Variants in DNM1L observed in about 807,000 individuals in gnomAD.
DNM1L encodes the protein dynamin-1-like protein.
In DNM1L, 33 loss-of-function variants were observed where a neutral mutation model predicts 92.8. The ratio of observed to expected loss-of-function variants is 0.36; its 90% CI spans 0.27 to 0.48. DNM1L has a LOEUF of 0.48. Among genes scored for constraint, DNM1L ranks in the 20% least tolerant of loss-of-function variants. DNM1L has a pLI of 0.99. For synonymous variants in DNM1L, 284 were observed against 305.0 expected, an observed-to-expected ratio of 0.93 and a Z score of 0.72; for missense variants, 485 against 888.8, an observed-to-expected ratio of 0.55 and a Z score of 5.78.
intron 1 of DNM1L, among the ~76,000 whole-genome samples, chr12:32,691,626 A>G (rs943260444): frequency 2.0e-5 from 3 of 152,178 alleles, no homozygotes; most frequent in African/African-American, 7.2e-5. Flanking sequence ...TTAGGGCTTC[A>G]ACATATAAAT....
intron 13 of DNM1L, among the ~76,000 whole-genome samples, chr12:32,734,315 A>G (rs1218295813): frequency 6.6e-6 from 1 of 152,178 alleles, no homozygotes; most frequent in Non-Finnish European, 1.5e-5. Flanking sequence ...GGACAGAGCA[A>G]TTTATCCAGA....
At chr12:32,692,974 G>T (rs1952290757) in intron 1 of DNM1L, 1 of 152,202 alleles carries the variant, frequency 6.6e-6, no homozygotes, top group African/African-American at 2.4e-5. Context: ...GTGTTCCCCA[G>T]TGTTTGCTAT....
intron 9 of DNM1L, among the ~76,000 whole-genome samples, chr12:32,730,678 A>G (rs1316097464): frequency 1.2e-4 from 18 of 152,250 alleles, no homozygotes; most frequent in Non-Finnish European, 1.2e-4. Flanking sequence ...TTGTGAATCA[A>G]TGGAAATAAA....
At chr12:32,742,900 T>TC in intron 19 of DNM1L, 152 bp downstream of exon 19, 1 of 950,308 alleles carries the variant, frequency 1.1e-6, no homozygotes, top group East Asian at 2.9e-5. Context: ...TTTTTTTTTT[T>TC]TTTTTTTTTT....
intron 7 of DNM1L, among the ~76,000 whole-genome samples, chr12:32,719,388 T>TA (rs1448384284): frequency 6.6e-6 from 1 of 152,226 alleles, no homozygotes; most frequent in African/African-American, 2.4e-5. Flanking sequence ...AGGGAAAAAT[T>TA]ATCTAATGTG....
chr12:32,736,974 T>C lies in DNM1L; in HGVS notation c.1540-131T>C. 3 of 790,058 alleles carry C rather than the reference T, an allele frequency of 3.8e-6. No homozygotes were observed. The South Asian group carries it at 4.8e-5, about 13-fold the overall frequency. 48.9% of individuals were successfully genotyped at this position (790,058 alleles called of 1,614,324 possible). On this transcript the variant is annotated intron_variant, in intron 13 of 19. Coordinates refer to ENST00000549701, the MANE Select transcript of DNM1L (RefSeq NM_012062.5). ...TATTTATTTTAAAATATGATAATTA[T>C]GGCATGAGTCCCAACAGTGAGAGGA... is the stretch of plus-strand genomic sequence containing the variant.
Position 32,731,953 on chromosome 12 carries a change from T to A in DNM1L, c.1446+10T>A, listed in dbSNP as rs1402719585. On this transcript the variant is annotated intron_variant, in intron 12 of 19. Coordinates refer to ENST00000549701, the MANE Select transcript of DNM1L (RefSeq NM_012062.5). The surrounding 1 kb of genome is among the most constrained non-coding windows in gnomAD (Gnocchi z 5.1). The stretch of plus-strand genomic sequence containing the variant: ...TGTTACAAATGAAATGGTGAGCTAC[T>A]ATAGCATAGATCATTGTAATTACTA... The A allele has an allele frequency of 1.3e-6, 2 of 1,598,584 alleles. No homozygotes were observed. The highest frequency in any genetic ancestry group is 4.5e-5 in the East Asian group (2 of 44,792).
intron 5 of DNM1L, among the ~76,000 whole-genome samples, chr12:32,712,854 A>G (rs1217265505): frequency 2.0e-5 from 3 of 152,114 alleles, no homozygotes; most frequent in African/African-American, 4.8e-5. Flanking sequence ...CTACTGTAAC[A>G]TAATCTGACA....
intron 16 of DNM1L, among the ~76,000 whole-genome samples, chr12:32,739,677 T>G (rs1486094948): frequency 6.6e-6 from 1 of 152,250 alleles, no homozygotes; most frequent in South Asian, 2.1e-4. Flanking sequence ...CTTAAGAAAT[T>G]AAACTGAATA....
At chr12:32,705,074 T>C (rs912822250) in intron 2 of DNM1L, among the ~76,000 whole-genome samples, 3 of 149,782 alleles carry the variant, frequency 2.0e-5, no homozygotes, top group African/African-American at 7.4e-5. Flanking sequence ...GGCACAATGA[T>C]CTCAGCTCAC....
chr12:32,684,215 G>A (rs1951908340), intron 1 of DNM1L, among the ~76,000 whole-genome samples: 1 of 152,168 alleles, frequency 6.6e-6, no homozygotes, highest in Non-Finnish European at 1.5e-5. Flanking sequence ...GCTTCTGACA[G>A]GTTTTGATTT....
chr12:32,714,538 C>T (rs1324114088), intron 6 of DNM1L, among the ~76,000 whole-genome samples: 3 of 151,948 alleles, frequency 2.0e-5, no homozygotes, highest in African/African-American at 7.3e-5. Context: ...TCCCAGAGTG[C>T]TGGGATTACA....
Position 32,740,235 on chromosome 12 carries a change from G to C in DNM1L, c.1879G>C (p.Asp627His), listed in dbSNP as rs1186108950. The C allele has an allele frequency of 6.2e-7, 1 of 1,614,214 alleles. No individual in the cohort carries two copies. Among genetic ancestry groups the C allele is most frequent in the South Asian group, 1.1e-5 (1 of 91,080 alleles). ...AAAAGGTCATGCCGTGAACCTGCTA[G>C]ATGTGGTAAGCCATGACAATTTGGT... is the stretch of plus-strand genomic sequence containing the variant. ...PQKGHAVNLL[D>H]VPVPVARKLS... The change falls in exon 17 of 20, where the codon GAT (aspartate) becomes CAT (histidine). Residue 627 changes from aspartate (D) to histidine (H), a missense_variant. Physicochemically the swap from Asp to His is moderately conservative, Grantham distance 81. Transcript: ENST00000549701.
At chr12:32,717,523 C>T (rs1220341461) in intron 6 of DNM1L, among the ~76,000 whole-genome samples, 1 of 117,174 alleles carries the variant, frequency 8.5e-6, no homozygotes, top group African/African-American at 3.3e-5. Context: ...CGGAGTCCTG[C>T]TCTGCATAGT....
Position 32,725,915 on chromosome 12 carries a change from T to G in DNM1L, c.1079+3282T>G, listed in dbSNP as rs112000901. On this transcript the variant is annotated intron_variant, in intron 9 of 19. Coordinates refer to ENST00000549701, the MANE Select transcript of DNM1L (RefSeq NM_012062.5). ...CCACCGCGACTGGCATGCCGGTTTT[T>G]TTTTTTTTTTTAAACGATGGATTGT... is the stretch of plus-strand genomic sequence containing the variant. 8.4e-4 allele frequency among the ~76,000 whole-genome samples: 128 copies of G among 152,008 alleles called. 1 individual carries two copies. The highest frequency in any genetic ancestry group is 2.9e-3 in the African/African-American group (120 of 41,478).
In DNM1L at chr12:32,733,958, T is replaced by G. The variant is rs1954719879; in HGVS notation, c.1539+151T>G. 3 of 690,750 alleles carry G rather than the reference T, an allele frequency of 4.3e-6. No homozygotes were observed. In the Admixed American group the frequency reaches 8.1e-5, roughly 19 times the overall value. The allele number at this position is 690,750 out of a possible 1,614,324, so 42.8% of individuals were successfully genotyped here. A position where few individuals can be genotyped will look rare whatever the true frequency, so the allele number is the denominator to read the frequency against. ...CAGGAAATATGCTGAGGGGATTACA[T>G]TGTTTTCTTAATTCTCAAAACCACC... On this transcript the variant is annotated intron_variant, in intron 13 of 19. Coordinates refer to ENST00000549701, the MANE Select transcript of DNM1L (RefSeq NM_012062.5).
chr12:32,730,595 G>T (rs1954492295), intron 9 of DNM1L, among the ~76,000 whole-genome samples: 1 of 151,428 alleles, frequency 6.6e-6, no homozygotes, highest in African/African-American at 2.4e-5. Flanking sequence ...TTGCAGCAGA[G>T]ACTGTATGGC....
intron 8 of DNM1L, 101 bp downstream of exon 8, chr12:32,720,896 C>G: frequency 6.8e-7 from 1 of 1,464,344 alleles, no homozygotes; most frequent in Non-Finnish European, 9.4e-7. Flanking sequence ...CTGTTCCTAA[C>G]AGCTTCACTT....
At chr12:32,707,799 A>C (rs150419036) in intron 3 of DNM1L, among the ~76,000 whole-genome samples, 198 of 152,190 alleles carry the variant, frequency 1.3e-3, no homozygotes, top group African/African-American at 4.6e-3. Flanking sequence ...AAACTAAAAA[A>C]AATTAGCCCC....
Sources: gnomAD v4.1 joint callset for allele counts (sites outside exome capture counted in the v4.1 genomes callset) on GRCh38, gnomAD v4.1.1 for gene constraint, Gnocchi (gnomAD v3.1) non-coding constraint, MANE v1.5 for transcripts, NCBI Gene and HGNC (gene_info 2026-07-23, HGNC 2026-07-21) for gene names.